FHIT: variants seen among roughly 807,000 people sequenced by gnomAD.
The protein encoded by FHIT is fragile histidine triad diadenosine triphosphatase, also known as bis(5'-adenosyl)-triphosphatase.
In FHIT, 19 loss-of-function variants were observed where a neutral mutation model predicts 17.9. The observed-to-expected ratio is 1.06, with a 90% confidence interval of 0.74 to 1.56. The LOEUF (loss-of-function observed/expected upper bound fraction) is 1.56, where lower values mean the gene tolerates loss of function less well. FHIT is among the 40% of genes most tolerant of loss of function. The pLI is 0.00. For synonymous variants in FHIT, 81 were observed against 69.7 expected, an observed-to-expected ratio of 1.16 and a Z score of -0.81; for missense variants, 248 against 189.2, an observed-to-expected ratio of 1.31 and a Z score of -1.82.
intron 5 of FHIT, among the ~76,000 whole-genome samples, chr3:60,039,585 T>C (rs970645801): frequency 6.6e-6 from 1 of 152,228 alleles, no homozygotes; most frequent in Non-Finnish European, 1.5e-5. Context: ...TAAGATTGTA[T>C]GTATAAAGAT....
intron 5 of FHIT, among the ~76,000 whole-genome samples, chr3:60,306,654 G>A (rs1708687332): frequency 4.6e-5 from 7 of 152,048 alleles, no homozygotes. Flanking sequence ...CAATACACGT[G>A]CAAAATTAAA....
chr3:59,768,626 A>G (rs1701920168), intron 8 of FHIT, among the ~76,000 whole-genome samples: 1 of 152,222 alleles, frequency 6.6e-6, no homozygotes, highest in South Asian at 2.1e-4. Flanking sequence ...CCAGACATCA[A>G]TGTCATATGG....
intron 5 of FHIT, among the ~76,000 whole-genome samples, chr3:60,366,516 G>A (rs1441413967): frequency 1.3e-5 from 2 of 152,186 alleles, no homozygotes; most frequent in African/African-American, 4.8e-5. Flanking sequence ...ATTACAGGAG[G>A]TGGGACCTCT....
chr3:60,030,680 C>T (rs1700962118), intron 5 of FHIT, among the ~76,000 whole-genome samples: 1 of 152,050 alleles, frequency 6.6e-6, no homozygotes, highest in African/African-American at 2.4e-5. Flanking sequence ...GTATACTGCC[C>T]ATAGAGCACT....
chr3:61,061,636 C>T (rs902582994), intron 2 of FHIT, among the ~76,000 whole-genome samples: 14 of 151,976 alleles, frequency 9.2e-5, no homozygotes, highest in Non-Finnish European at 1.6e-4. Flanking sequence ...ATGATGCAGG[C>T]AGGATTCAAG....
rs771891638 is a variant in FHIT, at chr3:60,044,344, C to T, written c.104-30192G>A. ...AGTAATATAGAAAGTTGTGAGGCAA[C>T]GTCTTCAAACTTCTAAGTAGAACAG... On this transcript the variant is annotated intron_variant, in intron 5 of 9. Coordinates refer to ENST00000492590, the MANE Select transcript of FHIT (RefSeq NM_002012.4). Among the ~76,000 whole-genome samples the T allele has an allele frequency of 3.9e-5, 6 of 152,144 alleles. No homozygotes were observed. In the South Asian group the frequency reaches 8.3e-4, roughly 21 times the overall value.
chr3:60,732,718 G>A (rs1313574784), intron 4 of FHIT: 1 of 282,888 alleles, frequency 3.5e-6, no homozygotes, highest in South Asian at 2.8e-5. Context: ...ACAAAGTCTC[G>A]CTCTGTCACC....
intron 4 of FHIT, among the ~76,000 whole-genome samples, chr3:60,688,856 T>G (rs1196111781): frequency 6.6e-6 from 1 of 152,198 alleles, no homozygotes; most frequent in East Asian, 1.9e-4. Context: ...TGCTTTACTC[T>G]TTTTTCTTTG....
intron 4 of FHIT, among the ~76,000 whole-genome samples, chr3:60,767,266 T>C (rs970943942): frequency 1.3e-5 from 2 of 152,232 alleles, no homozygotes; most frequent in Non-Finnish European, 2.9e-5. Flanking sequence ...TATATTTGTT[T>C]GCTCACTACA....
chr3:61,012,301 A>G (rs897481045), intron 3 of FHIT, among the ~76,000 whole-genome samples: 1 of 152,174 alleles, frequency 6.6e-6, no homozygotes, highest in East Asian at 1.9e-4. Context: ...GAGAAATTGA[A>G]TATCTTGAGT....
intron 5 of FHIT, among the ~76,000 whole-genome samples, chr3:60,278,546 A>G (rs989894049): frequency 6.6e-6 from 1 of 152,116 alleles, no homozygotes; most frequent in African/African-American, 2.4e-5. Flanking sequence ...GTCTTTGGTG[A>G]TTACAACTGA....
At chr3:60,255,522 C>G (rs1308703473) in intron 5 of FHIT, among the ~76,000 whole-genome samples, 2 of 152,088 alleles carry the variant, frequency 1.3e-5, no homozygotes, top group Non-Finnish European at 2.9e-5. Flanking sequence ...AACCCAACTT[C>G]TCACCAACTG....
At chr3:61,128,765 A>C (rs1416074024) in intron 2 of FHIT, among the ~76,000 whole-genome samples, 1 of 152,070 alleles carries the variant, frequency 6.6e-6, no homozygotes, top group Non-Finnish European at 1.5e-5. Context: ...CTTGTGAAAA[A>C]ACAAGGTTGT....
At chr3:60,704,634 C>T (rs1244241641) in intron 4 of FHIT, among the ~76,000 whole-genome samples, 2 of 151,996 alleles carry the variant, frequency 1.3e-5, no homozygotes, top group African/African-American at 2.4e-5. Flanking sequence ...AAAAATGAAC[C>T]TTTTTTTGCA....
intron 5 of FHIT, among the ~76,000 whole-genome samples, chr3:60,439,280 C>T (rs1268823846): frequency 6.6e-6 from 1 of 152,102 alleles, no homozygotes; most frequent in African/African-American, 2.4e-5. Context: ...AACAGATGCA[C>T]ATTATAATGT....
At position 60,122,471 on chromosome 3, in the gene FHIT, G is replaced by A. The variant is rs756355733; in HGVS notation, c.104-108319C>T. Reference sequence around the variant, plus strand: ...CATGAATCCATGAGGAAACATGAACGTCTTGGAACTCGAACAGGAGGTGGT... The same window carrying A: ...CATGAATCCATGAGGAAACATGAACATCTTGGAACTCGAACAGGAGGTGGT... On this transcript the variant is annotated intron_variant, in intron 5 of 9. Transcript: ENST00000492590. 7.2e-5 allele frequency among the ~76,000 whole-genome samples: 11 copies of A among 152,158 alleles called. 1 individual carries two copies. The highest frequency in any genetic ancestry group is 9.7e-5 in the African/African-American group (4 of 41,432).
chr3:59,887,929 G>A (rs918676561), intron 8 of FHIT, among the ~76,000 whole-genome samples: 1 of 152,186 alleles, frequency 6.6e-6, no homozygotes, highest in Non-Finnish European at 1.5e-5. Flanking sequence ...AGAAATGAGA[G>A]GGTTTTATTA....
chr3:60,886,203 C>T (rs1705216383), intron 3 of FHIT, among the ~76,000 whole-genome samples: 1 of 152,080 alleles, frequency 6.6e-6, no homozygotes. Context: ...GGGTTAATAC[C>T]ATGAATGGCT....
In FHIT at chr3:61,097,087, A is replaced by G. The variant is rs982878123; in HGVS notation, c.-163-54988T>C. Among the ~76,000 whole-genome samples the G allele has an allele frequency of 8.5e-5, 13 of 152,122 alleles. 1 individual carries two copies. The highest frequency in any genetic ancestry group is 3.4e-3 in the Middle Eastern group (1 of 294). ...GAGTGAGACTCAATCTCAAAAAAAAAAAAAAAAAAAAAGACGGGGGCGATT... is the reference window on the plus strand; with the variant it reads ...GAGTGAGACTCAATCTCAAAAAAAAGAAAAAAAAAAAAGACGGGGGCGATT... On this transcript the variant is annotated intron_variant, in intron 2 of 9. Transcript: ENST00000492590.
Sources: gnomAD v4.1 joint callset for allele counts (sites outside exome capture counted in the v4.1 genomes callset) on GRCh38, gnomAD v4.1.1 for gene constraint, MANE v1.5 for transcripts, NCBI Gene and HGNC (gene_info 2026-07-23, HGNC 2026-07-21) for gene names.